Variants in MARCHF8 observed in about 807,000 individuals in gnomAD.
MARCHF8 encodes the protein membrane associated ring-CH-type finger 8.
MARCHF8 carries 40 observed loss-of-function variants against 51.6 expected under a neutral mutation model. The ratio of observed to expected loss-of-function variants is 0.77; its 90% confidence interval spans 0.60 to 1.01. The LOEUF (loss-of-function observed/expected upper bound fraction) is 1.01, where lower values mean the gene tolerates loss of function less well. Among genes scored for constraint, MARCHF8 ranks in the 50% least tolerant of loss-of-function variants. The pLI, the probability that MARCHF8 is intolerant of heterozygous loss-of-function variation, is 0.00. For synonymous variants in MARCHF8, 263 were observed against 280.3 expected (o/e 0.94, Z 0.62); for missense variants, 685 against 708.6 (o/e 0.97, Z 0.38).
intron 2 of MARCHF8, among the ~76,000 whole-genome samples, chr10:45,505,935 G>A (rs1351805386): frequency 6.6e-6 from 1 of 152,210 alleles, no homozygotes; most frequent in Admixed American, 6.5e-5. Context: ...TGAAATTTCA[G>A]AATTGAAGTC....
At chr10:45,493,080 GA>G (rs1159200830) in intron 2 of MARCHF8, among the ~76,000 whole-genome samples, 1 of 152,236 alleles carries the variant, frequency 6.6e-6, no homozygotes, top group African/African-American at 2.4e-5. Flanking sequence ...GTTTTGGTGA[GA>G]AATGTCCAAA....
intron 1 of MARCHF8, chr10:45,594,182 A>C (rs1157246315): frequency 6.6e-6 from 1 of 152,236 alleles, no homozygotes; most frequent in African/African-American, 2.4e-5. Context: ...TTTAAGATGA[A>C]AACAGATTTA....
intron 1 of MARCHF8, among the ~76,000 whole-genome samples, chr10:45,562,335 C>T (rs1317194451): frequency 6.6e-6 from 1 of 151,996 alleles, no homozygotes; most frequent in East Asian, 1.9e-4. Context: ...AGAAATCCAC[C>T]CCTAGACTCA....
chr10:45,574,964 T>G (rs1256085135), intron 1 of MARCHF8, among the ~76,000 whole-genome samples: 5 of 129,940 alleles, frequency 3.8e-5, no homozygotes, highest in Admixed American at 2.2e-4. Flanking sequence ...TGCTGTTATA[T>G]AGGCAAAAAA....
intron 1 of MARCHF8, among the ~76,000 whole-genome samples, chr10:45,564,351 A>G (rs976311607): frequency 6.6e-6 from 1 of 152,164 alleles, no homozygotes; most frequent in Non-Finnish European, 1.5e-5. Flanking sequence ...TAAAACAAAA[A>G]ATGCACTTTA....
At chr10:45,569,064 CAAAAAAAAAAA>C (rs71023131) in intron 1 of MARCHF8, among the ~76,000 whole-genome samples, 1 of 64,430 alleles carries the variant, frequency 1.6e-5, no homozygotes, top group Admixed American at 1.8e-4. Context: ...GACTCCATCT[CAAAAAAAAAAA>C]AAAAAAAAAA....
At chr10:45,554,332 G>C (rs1038025307) in intron 1 of MARCHF8, among the ~76,000 whole-genome samples, 1 of 152,134 alleles carries the variant, frequency 6.6e-6, no homozygotes, top group Admixed American at 6.5e-5. Context: ...GGAAAAATCA[G>C]TATGAAACTC....
At chr10:45,501,773 A>G (rs1490730032) in intron 2 of MARCHF8, among the ~76,000 whole-genome samples, 1 of 152,184 alleles carries the variant, frequency 6.6e-6, no homozygotes, top group Non-Finnish European at 1.5e-5. Flanking sequence ...GAATACAGAA[A>G]GAATTCTTAG....
At position 45,554,777 on chromosome 10, in the gene MARCHF8, G is replaced by A. The variant is rs962642720; in HGVS notation, c.-78-21488C>T. ...CTAGTAAAAATATAAAATTAGGGCC[G>A]GGCGTGGTTGCCCACACCTGTAATC... On this transcript the variant is annotated intron_variant, in intron 1 of 6. Coordinates refer to the MARCHF8 transcript ENST00000319836. Among the ~76,000 whole-genome samples, 23 of 152,206 alleles carry A rather than the reference G, an allele frequency of 1.5e-4. No homozygotes were observed. In the East Asian group the frequency reaches 3.7e-3, roughly 24 times the overall value.
intron 1 of MARCHF8, among the ~76,000 whole-genome samples, chr10:45,567,796 A>T (rs896138943): frequency 6.6e-6 from 1 of 151,820 alleles, no homozygotes; most frequent in Non-Finnish European, 1.5e-5. Context: ...AAATTTTGGG[A>T]TTGTTTTTTC....
At chr10:45,491,945 C>T (rs2043088022) in intron 2 of MARCHF8, among the ~76,000 whole-genome samples, 1 of 152,208 alleles carries the variant, frequency 6.6e-6, no homozygotes, top group African/African-American at 2.4e-5. Context: ...ACCTTTTTGA[C>T]ATTAATTATT....
chr10:45,554,133 T>C (rs990176412), intron 1 of MARCHF8, among the ~76,000 whole-genome samples: 2 of 152,220 alleles, frequency 1.3e-5, no homozygotes, highest in Admixed American at 1.3e-4. Flanking sequence ...TAGGAATCTA[T>C]CCTAAAAATG....
chr10:45,575,603 C>G (rs570619384), intron 1 of MARCHF8, among the ~76,000 whole-genome samples: 2 of 152,272 alleles, frequency 1.3e-5, no homozygotes, highest in African/African-American at 4.8e-5. Flanking sequence ...TGAGAAACAT[C>G]GCCCATTATC....
At chr10:45,494,956 C>G (rs913698462) in intron 2 of MARCHF8, among the ~76,000 whole-genome samples, 1 of 152,064 alleles carries the variant, frequency 6.6e-6, no homozygotes, top group African/African-American at 2.4e-5. Flanking sequence ...CCCATCTCTA[C>G]TAGAAATACA....
chr10:45,508,059 A>G (rs368965715), intron 2 of MARCHF8, among the ~76,000 whole-genome samples: 10 of 152,258 alleles, frequency 6.6e-5, no homozygotes, highest in African/African-American at 2.4e-4. Context: ...TTTCTCACTT[A>G]TGAAAGAGCC....
rs1050435718 is a variant in MARCHF8 at position 45,468,109 on chromosome 10, T to C, written c.154-3782A>G. On this transcript the variant is annotated intron_variant, in intron 3 of 7. Coordinates refer to ENST00000453424, the MANE Select transcript of MARCHF8 (RefSeq NM_001282866.2). ...TTTCTTAGAAATGATAAATACTTTT[T>C]GACAATTTGTTTTGCTACATCCAAG... is the stretch of plus-strand genomic sequence containing the variant. Among the ~76,000 whole-genome samples, 3 of 152,368 alleles carry C rather than the reference T, an allele frequency of 2.0e-5. No homozygotes were observed. In the East Asian group the frequency reaches 5.8e-4, roughly 29 times the overall value.
rs147834018 is a variant in MARCHF8, at chr10:45,533,017, A to C, written c.102+93T>G. 4,582 of 935,048 alleles carry C rather than the reference A, an allele frequency of 4.9e-3. 13 individuals carry two copies. Among genetic ancestry groups the C allele is most frequent in the Non-Finnish European group, 6.3e-3 (4,247 of 674,918 alleles). The allele number at this position is 935,048 out of a possible 1,614,324, so 57.9% of individuals were successfully genotyped here. A position where few individuals can be genotyped will look rare whatever the true frequency, so the allele number is the denominator to read the frequency against. On this transcript the variant is annotated intron_variant, in intron 2 of 7. Transcript: ENST00000453424. ...TGCTTGTCAGTATATTATCAGAGAA[A>C]ACCTGACCTTTAGAGTTTAAGCACT...
chr10:45,543,003 A>G (rs1351071724), intron 1 of MARCHF8, among the ~76,000 whole-genome samples: 1 of 152,250 alleles, frequency 6.6e-6, no homozygotes, highest in African/African-American at 2.4e-5. Flanking sequence ...CTACACTCAC[A>G]TTCAACATTT....
intron 1 of MARCHF8, among the ~76,000 whole-genome samples, chr10:45,573,256 A>G (rs779664760): frequency 6.6e-6 from 1 of 152,188 alleles, no homozygotes; most frequent in Non-Finnish European, 1.5e-5. Context: ...TAAAACTCCT[A>G]AAATTAAATT....
Sources: allele counts gnomAD v4.1 joint callset (sites outside exome capture counted in the v4.1 genomes callset), GRCh38; gene constraint gnomAD v4.1.1; transcripts MANE v1.5; gene names NCBI Gene and HGNC (gene_info 2026-07-23, HGNC 2026-07-21).